Variants in ARRDC5 observed in about 807,000 individuals in gnomAD.
ARRDC5 encodes the protein arrestin domain containing 5.
A neutral mutation model predicts 13.3 loss-of-function variants in ARRDC5; 12 were observed. The ratio of observed to expected loss-of-function variants is 0.90; its 90% CI spans 0.58 to 1.46. The LOEUF is 1.46. Among genes scored for constraint, ARRDC5 ranks in the 40% most tolerant of loss-of-function variants. The pLI, the probability that ARRDC5 is intolerant of heterozygous loss-of-function variation, is 0.00. For synonymous variants in ARRDC5, 181 were observed against 173.4 expected (o/e 1.04, Z -0.34); for missense variants, 406 against 418.7 (o/e 0.97, Z 0.26).
At chr19:4,902,491 T>C in intron 1 of ARRDC5, 82 bp downstream of exon 1, 1 of 1,361,720 alleles carries the variant, frequency 7.3e-7, no homozygotes, top group Non-Finnish European at 1.0e-6. Context: ...CCTAGAGTTT[T>C]GTTGATTGAC....
At chr19:4,914,188 A>G in the ARRDC5 span, among the ~76,000 whole-genome samples, 1 of 152,016 alleles carries the variant, frequency 6.6e-6, no homozygotes, top group Non-Finnish European at 1.5e-5. Context: ...CAGAGAGGTG[A>G]TGCAGTTTCC....
chr19:4,910,365 C>CCGGCAAGGAGGGGGGGCCGGCAAGGAGG, the ARRDC5 span: 1 of 144,542 alleles, frequency 6.9e-6, no homozygotes, highest in Non-Finnish European at 1.5e-5. Context: ...GGAGGGGGGG[C>CCGGCAAGGAGGGGGGGCCGGCAAGGAGG]GTGGGCACCG....
intron 1 of ARRDC5, 49 bp from the exon 2 acceptor site, chr19:4,896,925 T>A: frequency 7.6e-7 from 1 of 1,316,762 alleles, no homozygotes. Flanking sequence ...GAATCTTTTT[T>A]CCTTCTTCTT....
At chr19:4,915,537 A>G in the ARRDC5 span, among the ~76,000 whole-genome samples, 3,216 of 152,124 alleles carry the variant, frequency 0.021, 123 homozygotes, top group African/African-American at 0.074. Context: ...ACATGGTGAA[A>G]CCCCGTCTCT....
chr19:4,902,878 T>G lies in ARRDC5; in HGVS notation c.-53A>C. Reference sequence around the variant, plus strand: ...CTCTCTGTCCCCCATGTCCCTGAAATTCCCGGTTCGTTGGCCCTAGTGAGG... The same window carrying G: ...CTCTCTGTCCCCCATGTCCCTGAAAGTCCCGGTTCGTTGGCCCTAGTGAGG... On this transcript the variant is annotated 5_prime_UTR_variant, in exon 1 of 3. Transcript: ENST00000650722. The G allele has an allele frequency of 6.2e-7, 1 of 1,611,230 alleles. No individual in the cohort carries two copies. The highest frequency in any genetic ancestry group is 8.5e-7 in the Non-Finnish European group (1 of 1,178,326).
the ARRDC5 span, among the ~76,000 whole-genome samples, chr19:4,908,237 C>T: frequency 1.3e-5 from 2 of 152,162 alleles, no homozygotes; most frequent in South Asian, 2.1e-4. Context: ...GGGGCGAGGA[C>T]GTGGGGGTCT....
At chr19:4,913,585 T>A in the ARRDC5 span, among the ~76,000 whole-genome samples, 2 of 151,976 alleles carry the variant, frequency 1.3e-5, 1 homozygote, top group South Asian at 4.2e-4. Context: ...TGTCAGGATG[T>A]CCGCAGTGAT....
Position 4,902,830 on chromosome 19 carries a change from G to C in ARRDC5, c.-5C>G, listed in dbSNP as rs1295000816. 6.2e-7 allele frequency: 1 copy of C among 1,613,856 alleles called. No individual in the cohort carries two copies. The highest frequency in any genetic ancestry group is 8.5e-7 in the Non-Finnish European group (1 of 1,179,880). ...GATCGACTTCACCACAGACATGGGGGGTTGGGGGGTAGAGAGACATTCCTC... is the reference window on the plus strand; with the variant it reads ...GATCGACTTCACCACAGACATGGGGCGTTGGGGGGTAGAGAGACATTCCTC... On this transcript the variant is annotated 5_prime_UTR_variant, in exon 1 of 3. Transcript: ENST00000650722.
intron 1 of ARRDC5, among the ~76,000 whole-genome samples, chr19:4,900,822 C>G (rs2031888492): frequency 6.6e-6 from 1 of 151,994 alleles, no homozygotes; most frequent in African/African-American, 2.4e-5. Context: ...GAGTTCAAGA[C>G]CAGCCTGACC....
At chr19:4,899,126 G>A (rs1429570058) in intron 1 of ARRDC5, among the ~76,000 whole-genome samples, 1 of 150,862 alleles carries the variant, frequency 6.6e-6, no homozygotes, top group East Asian at 2.0e-4. Context: ...TGGCAAACAC[G>A]GTGAAACCCC....
chr19:4,906,378 G>C (rs141152108), upstream of ARRDC5, among the ~76,000 whole-genome samples: 18 of 152,270 alleles, frequency 1.2e-4, no homozygotes, highest in Admixed American at 4.6e-4. Context: ...TTTCTGCAGG[G>C]AGGGCTAGAT....
chr19:4,916,566 C>T, the ARRDC5 span, among the ~76,000 whole-genome samples: 1 of 152,134 alleles, frequency 6.6e-6, no homozygotes, highest in Non-Finnish European at 1.5e-5. Flanking sequence ...CCGGCCGGGT[C>T]GAAGGGCAGA....
chr19:4,916,413 G>A, the ARRDC5 span, among the ~76,000 whole-genome samples: 17 of 152,122 alleles, frequency 1.1e-4, no homozygotes, highest in African/African-American at 2.7e-4. Flanking sequence ...CCCTGGTGAC[G>A]CAGCCTCCAA....
intron 1 of ARRDC5, 94 bp downstream of exon 1, chr19:4,902,479 G>T: frequency 8.1e-7 from 1 of 1,229,982 alleles, no homozygotes; most frequent in Non-Finnish European, 1.2e-6. Flanking sequence ...ATTTCTGATA[G>T]CCCTAGAGTT....
At chr19:4,911,416 A>G in the ARRDC5 span, among the ~76,000 whole-genome samples, 1 of 152,172 alleles carries the variant, frequency 6.6e-6, no homozygotes, top group Non-Finnish European at 1.5e-5. Context: ...GGAGGGGACC[A>G]GGTTTTCTTT....
Position 4,890,949 on chromosome 19 carries a change from C to A in ARRDC5, c.*97G>T. ...TGGGGAGGTTGCAGACAACCTGTTG[C>A]CCACTCCTCGACTCCTCTGAGAGTC... On this transcript the variant is annotated 3_prime_UTR_variant, in exon 3 of 3. Transcript: ENST00000650722. The A allele has an allele frequency of 4.9e-6, 5 of 1,028,214 alleles. No individual in the cohort carries two copies. The highest frequency in any genetic ancestry group is 7.0e-6 in the Non-Finnish European group (5 of 710,486). The allele number at this position is 1,028,214 out of a possible 1,614,324, so 63.7% of individuals were successfully genotyped here. A position where few individuals can be genotyped will look rare whatever the true frequency, so the allele number is the denominator to read the frequency against.
intron 2 of ARRDC5, among the ~76,000 whole-genome samples, chr19:4,896,405 C>CATATATAT (rs1555740989): frequency 2.7e-4 from 29 of 106,390 alleles, no homozygotes; most frequent in African/African-American, 6.8e-4. Context: ...CACACACACA[C>CATATATAT]ATATATATAA....
rs962885613 is a variant in ARRDC5 at position 4,896,146 on chromosome 19, C to T, written c.459+525G>A. On this transcript the variant is annotated intron_variant, in intron 2 of 2. Transcript: ENST00000650722. ...CCTTGCCAACATGGCGAAACCCTGT[C>T]TCTACTAAAAATACAAAAATTAGCT... 2.0e-5 allele frequency among the ~76,000 whole-genome samples: 3 copies of T among 151,884 alleles called. No individual in the cohort carries two copies. The East Asian group carries it at 5.8e-4, about 29-fold the overall frequency.
chr19:4,908,431 C>G, the ARRDC5 span, among the ~76,000 whole-genome samples: 1 of 152,148 alleles, frequency 6.6e-6, no homozygotes. Context: ...CGGTGGCCTT[C>G]AAGGTATTAT....
Sources: allele counts gnomAD v4.1 joint callset (sites outside exome capture counted in the v4.1 genomes callset), GRCh38; gene constraint gnomAD v4.1.1; transcripts MANE v1.5; gene names NCBI Gene and HGNC (gene_info 2026-07-23, HGNC 2026-07-21).